The following KANK1 variants were observed in gnomAD, a reference collection of about 807,000 sequenced individuals.
The protein encoded by KANK1 is KN motif and ankyrin repeat domain-containing protein 1.
Under a neutral mutation model 106.2 loss-of-function variants are expected in KANK1, and 109 were observed. That is an observed-to-expected ratio of 1.03 (90% CI 0.88 to 1.20). The LOEUF is 1.20. Among genes scored for constraint, KANK1 ranks in the 50% most tolerant of loss-of-function variants. The probability of loss-of-function intolerance (pLI) is 0.00; values close to 1 mark genes in which losing one functional copy is unlikely to be tolerated. For missense variants in KANK1, 2,399 were observed against 1,710.7 expected (o/e 1.40, Z -7.10); for synonymous variants, 873 against 652.2 (o/e 1.34, Z -5.16).
At chr9:688,383 A>C (rs868551641) in intron 2 of KANK1, among the ~76,000 whole-genome samples, 1 of 152,214 alleles carries the variant, frequency 6.6e-6, no homozygotes, top group Non-Finnish European at 1.5e-5. Context: ...AGGCAGGCAG[A>C]TCAGTTGAAG....
intron 1 of KANK1, among the ~76,000 whole-genome samples, chr9:669,021 A>T (rs1845309907): frequency 6.6e-6 from 1 of 152,122 alleles, no homozygotes; most frequent in Non-Finnish European, 1.5e-5. Flanking sequence ...ATGGCTCAGG[A>T]GTTGGAGATC....
chr9:566,513 A>G (rs556504497), intron 1 of KANK1, among the ~76,000 whole-genome samples: 1 of 152,224 alleles, frequency 6.6e-6, no homozygotes, highest in Non-Finnish European at 1.5e-5. Flanking sequence ...CAACCTCGCC[A>G]GCACCTGTTA....
chr9:739,529 G>T (rs1040135116), intron 8 of KANK1, among the ~76,000 whole-genome samples: 2 of 152,144 alleles, frequency 1.3e-5, no homozygotes, highest in African/African-American at 4.8e-5. Flanking sequence ...CATCTTACAG[G>T]AAGGAATTTC....
intron 1 of KANK1, among the ~76,000 whole-genome samples, chr9:557,739 G>C (rs1025352290): frequency 6.6e-6 from 1 of 152,176 alleles, no homozygotes; most frequent in Non-Finnish European, 1.5e-5. Flanking sequence ...TTTGTAAAAG[G>C]ACCTGTACGG....
chr9:615,852 C>G (rs566077331), intron 1 of KANK1, among the ~76,000 whole-genome samples: 2 of 152,294 alleles, frequency 1.3e-5, no homozygotes, highest in South Asian at 4.1e-4. Context: ...ACAGGGAAAA[C>G]AACTGCTGAA....
At chr9:561,499 T>C (rs1816434033) in intron 1 of KANK1, among the ~76,000 whole-genome samples, 1 of 152,208 alleles carries the variant, frequency 6.6e-6, no homozygotes, top group Non-Finnish European at 1.5e-5. Flanking sequence ...TCAAATACAC[T>C]CATCACTGTG....
intron 1 of KANK1, among the ~76,000 whole-genome samples, chr9:509,523 A>AC (rs2058935647): frequency 6.6e-6 from 1 of 152,238 alleles, no homozygotes; most frequent in African/African-American, 2.4e-5. Flanking sequence ...GTTTCTTAAC[A>AC]CAGTATCTTA....
At chr9:593,354 C>G (rs1049289317) in intron 1 of KANK1, among the ~76,000 whole-genome samples, 1 of 151,662 alleles carries the variant, frequency 6.6e-6, no homozygotes, top group African/African-American at 2.4e-5. Flanking sequence ...TTGTATCCCA[C>G]TTTTTGATCC....
chr9:514,682 G>T (rs2059202854), intron 1 of KANK1, among the ~76,000 whole-genome samples: 1 of 151,752 alleles, frequency 6.6e-6, no homozygotes, highest in African/African-American at 2.4e-5. Flanking sequence ...ATATACTGCT[G>T]TTCATCCTGT....
chr9:732,464 C>A lies in KANK1; in HGVS notation c.3092C>A (p.Pro1031His). Residue 1031 changes from proline to histidine, a missense_variant, in exon 6 of 12, where the codon CCT (proline) becomes CAT (histidine). Pro to His is a moderately conservative substitution (Grantham distance 77). Transcript: ENST00000382297. ...GACGAGTGTGATGTCATTGAGTATC[C>A]TCTTGAAGAAGAGGAGGAGGAGGAG... is the stretch of plus-strand genomic sequence containing the variant. ...SDDECDVIEY[P>H]LEEEEEEEDE... 6.2e-7 allele frequency: 1 copy of A among 1,614,040 alleles called. No individual in the cohort carries two copies. Among genetic ancestry groups the A allele is most frequent in the South Asian group, 1.1e-5 (1 of 91,066 alleles).
rs1826618599 is a variant in KANK1, at chr9:713,000, A to T, written c.2234A>T (p.His745Leu). 6.2e-7 allele frequency: 1 copy of T among 1,614,216 alleles called. No individual in the cohort carries two copies. The highest frequency in any genetic ancestry group is 1.3e-5 in the African/African-American group (1 of 75,058). Residue 745 changes from histidine to leucine, a missense_variant, in exon 3 of 12, where the codon CAT becomes CTT. By Grantham distance (99) the His-to-Leu change is moderately conservative. Coordinates refer to ENST00000382297, the MANE Select transcript of KANK1 (RefSeq NM_015158.5). ...SIGVGTLLSG[H>L]SGFDRPSAVK... ...GGTGTTGGAACGTTGCTTTCTGGCC[A>T]TTCTGGGTTTGACAGGCCATCAGCT...
In KANK1 at chr9:520,816, A is replaced by G. The variant is rs552003212; in HGVS notation, c.-84+16062A>G. 2.4e-4 allele frequency among the ~76,000 whole-genome samples: 36 copies of G among 151,818 alleles called. No homozygotes were observed. The South Asian group carries it at 3.5e-3, about 15-fold the overall frequency. ...GGTAACTTTCCATTAGTTGTTTCCC[A>G]TGGCTCCAGATCTGTATTTTAATCA... On this transcript the variant is annotated intron_variant, in intron 1 of 11. Coordinates refer to ENST00000382297, the MANE Select transcript of KANK1 (RefSeq NM_015158.5).
intron 3 of KANK1, among the ~76,000 whole-genome samples, chr9:496,443 G>C (rs2058460513): frequency 6.6e-6 from 1 of 152,162 alleles, no homozygotes; most frequent in South Asian, 2.1e-4. Flanking sequence ...GTATGTGCCA[G>C]CTACTCGGGA....
chr9:730,752 T>G (rs1378637438), intron 4 of KANK1: 1 of 184,612 alleles, frequency 5.4e-6, no homozygotes, highest in Non-Finnish European at 1.1e-5. Flanking sequence ...TATGAAATAT[T>G]TTAAATAGCA....
rs140233918 is a variant in KANK1 at position 663,850 on chromosome 9, C to A, written c.-83-13040C>A. ...TTGGAAAGATACTGATGTTTACTTT[C>A]ATGATGTAGAATGGATGAGCAGTGA... On this transcript the variant is annotated intron_variant, in intron 1 of 11. Coordinates refer to ENST00000382297, the MANE Select transcript of KANK1 (RefSeq NM_015158.5). Among the ~76,000 whole-genome samples the A allele has an allele frequency of 5.3e-4, 80 of 152,240 alleles. No individual in the cohort carries two copies. In the East Asian group the frequency reaches 0.013, roughly 25 times the overall value.
chr9:712,539 G>T lies in KANK1; in HGVS notation c.1773G>T (p.Lys591Asn). 1.2e-6 allele frequency: 2 copies of T among 1,614,214 alleles called. No individual in the cohort carries two copies. Among genetic ancestry groups the T allele is most frequent in the South Asian group, 2.2e-5 (2 of 91,078 alleles). The change falls in exon 3 of 12, where the codon AAG (lysine) becomes AAT (asparagine). Residue 591 changes from lysine to asparagine, a missense_variant. Coordinates refer to ENST00000382297, the MANE Select transcript of KANK1 (RefSeq NM_015158.5). Reference protein sequence around the residue: ...CAGRSVEMCDKSVSVEVSVCE... With the variant: ...CAGRSVEMCDNSVSVEVSVCE... ...GGAGGTCTGTGGAAATGTGTGACAAGAGTGTGAGTGTGGAAGTCAGCGTCT... is the reference window on the plus strand; with the variant it reads ...GGAGGTCTGTGGAAATGTGTGACAATAGTGTGAGTGTGGAAGTCAGCGTCT...
At chr9:489,370 A>G (rs2132278529) in intron 3 of KANK1, among the ~76,000 whole-genome samples, 1 of 152,274 alleles carries the variant, frequency 6.6e-6, no homozygotes, top group African/African-American at 2.4e-5. Context: ...CAGTTGCCAC[A>G]TTTAGCAAAC....
intron 3 of KANK1, among the ~76,000 whole-genome samples, chr9:726,186 C>T (rs993112799): frequency 6.7e-6 from 1 of 148,986 alleles, no homozygotes; most frequent in Non-Finnish European, 1.5e-5. Context: ...CAGATCAATT[C>T]TGGTGTGCTA....
chr9:472,061 C>T lies in KANK1; in HGVS notation c.-441-1133C>T, dbSNP rs142413300. Among the ~76,000 whole-genome samples, 538 of 152,344 alleles carry T rather than the reference C, an allele frequency of 3.5e-3. 3 individuals are homozygous for T. Among genetic ancestry groups the T allele is most frequent in the African/African-American group, 0.012 (511 of 41,576 alleles). ...GCTCTCCCAGAGTCACATCCCCATA[C>T]GCCAAAACACTCTTACATATAATTA... On this transcript the variant is annotated intron_variant, in intron 2 of 15. Coordinates refer to the KANK1 transcript ENST00000382303.
Sources: gnomAD v4.1 joint callset for allele counts (sites outside exome capture counted in the v4.1 genomes callset) on GRCh38, gnomAD v4.1.1 for gene constraint, MANE v1.5 for transcripts, NCBI Gene and HGNC (gene_info 2026-07-23, HGNC 2026-07-21) for gene names.